The following SGCD variants were observed in gnomAD, a reference collection of about 807,000 sequenced individuals.
SGCD encodes the protein delta-sarcoglycan.
A neutral mutation model predicts 36.6 loss-of-function variants in SGCD; 18 were observed. That is an observed-to-expected ratio of 0.49 (90% confidence interval 0.34 to 0.73). The LOEUF (loss-of-function observed/expected upper bound fraction) is 0.73. Among genes scored for constraint, SGCD ranks in the 30% least tolerant of loss-of-function variants. SGCD has a pLI of 0.01. For missense variants in SGCD, 387 were observed against 346.7 expected (o/e 1.12, Z -0.92); for synonymous variants, 133 against 130.6 (o/e 1.02, Z -0.12).
chr5:155,979,507 T>G (rs902513209), intron 1 of SGCD, among the ~76,000 whole-genome samples: 3 of 151,974 alleles, frequency 2.0e-5, no homozygotes, highest in Non-Finnish European at 4.4e-5. Flanking sequence ...TCAATACATG[T>G]GGAAGGGAAG....
intron 4 of SGCD, among the ~76,000 whole-genome samples, chr5:156,576,735 G>A (rs1461403909): frequency 2.0e-5 from 3 of 152,126 alleles, no homozygotes; most frequent in Non-Finnish European, 4.4e-5. Context: ...TTTGAAAAGT[G>A]TCTGTTCATA....
At chr5:156,277,456 G>C (rs986015735) in intron 3 of SGCD, among the ~76,000 whole-genome samples, 1 of 152,182 alleles carries the variant, frequency 6.6e-6, no homozygotes, top group African/African-American at 2.4e-5. Context: ...AATGCAAAGA[G>C]GGTTGTGGGC....
chr5:156,703,228 T>TA (rs1267619284), intron 7 of SGCD, among the ~76,000 whole-genome samples: 6 of 152,226 alleles, frequency 3.9e-5, no homozygotes, highest in Non-Finnish European at 4.4e-5. Flanking sequence ...GATGAAATCT[T>TA]AGATTCTTCA....
At chr5:155,742,490 T>C in the SGCD span, among the ~76,000 whole-genome samples, 1 of 152,210 alleles carries the variant, frequency 6.6e-6, no homozygotes, top group Admixed American at 6.5e-5. Context: ...TTAAGACTTA[T>C]ACTGGATGAT....
At chr5:156,576,509 C>T (rs1400560250) in intron 4 of SGCD, among the ~76,000 whole-genome samples, 2 of 152,150 alleles carry the variant, frequency 1.3e-5, no homozygotes, top group African/African-American at 4.8e-5. Flanking sequence ...CACTGTCTTC[C>T]ACAATGGTTG....
At chr5:156,081,378 C>T (rs983793591) in intron 1 of SGCD, among the ~76,000 whole-genome samples, 1 of 152,042 alleles carries the variant, frequency 6.6e-6, no homozygotes, top group African/African-American at 2.4e-5. Flanking sequence ...TTGGTGTAGA[C>T]ATATATTCAA....
intron 1 of SGCD, among the ~76,000 whole-genome samples, chr5:155,994,020 C>T (rs895683742): frequency 3.9e-5 from 6 of 152,150 alleles, no homozygotes; most frequent in African/African-American, 1.2e-4. Flanking sequence ...TTGTAGTGAT[C>T]GTCTTTGGAA....
chr5:156,018,804 A>T (rs1370311578), intron 1 of SGCD, among the ~76,000 whole-genome samples: 1 of 152,194 alleles, frequency 6.6e-6, no homozygotes, highest in Non-Finnish European at 1.5e-5. Flanking sequence ...ATACACAGGC[A>T]CTTTTTTTCT....
At chr5:156,405,943 A>G (rs1421608358) in intron 3 of SGCD, among the ~76,000 whole-genome samples, 1 of 148,498 alleles carries the variant, frequency 6.7e-6, no homozygotes, top group African/African-American at 2.5e-5. Flanking sequence ...TAAATAATTG[A>G]TCAACACGCC....
At chr5:156,251,513 T>C (rs1765576128) in intron 3 of SGCD, among the ~76,000 whole-genome samples, 1 of 115,456 alleles carries the variant, frequency 8.7e-6, no homozygotes, top group South Asian at 3.6e-4. Context: ...TTTTATATTA[T>C]TTATACTACT....
intron 3 of SGCD, among the ~76,000 whole-genome samples, chr5:156,190,313 C>A (rs940488224): frequency 6.6e-6 from 1 of 152,148 alleles, no homozygotes; most frequent in East Asian, 1.9e-4. Flanking sequence ...CTAAATAATT[C>A]AAAAACTAGT....
At chr5:155,904,401 C>A (rs1756454701) in intron 1 of SGCD, among the ~76,000 whole-genome samples, 1 of 152,168 alleles carries the variant, frequency 6.6e-6, no homozygotes, top group Non-Finnish European at 1.5e-5. Context: ...ATATATGATC[C>A]AGTGATATTT....
At chr5:156,263,573 T>G (rs1359780634) in intron 3 of SGCD, among the ~76,000 whole-genome samples, 1 of 152,204 alleles carries the variant, frequency 6.6e-6, no homozygotes, top group Non-Finnish European at 1.5e-5. Context: ...TTGTTTCTTT[T>G]GCTGTGCAGA....
chr5:156,123,535 C>T (rs867208423), intron 2 of SGCD, among the ~76,000 whole-genome samples: 1 of 152,140 alleles, frequency 6.6e-6, no homozygotes, highest in Non-Finnish European at 1.5e-5. Context: ...ACGGATTGAA[C>T]TGTGCCACAG....
chr5:156,256,409 C>T (rs776842325), intron 3 of SGCD, among the ~76,000 whole-genome samples: 99 of 152,282 alleles, frequency 6.5e-4, no homozygotes, highest in Non-Finnish European at 1.2e-3. Flanking sequence ...GAATTTTGTA[C>T]ATATAGAACC....
At position 156,679,300 on chromosome 5, in the gene SGCD, T is replaced by C. The variant is rs1753634147; in HGVS notation, c.575+31764T>C. ...CACCACCACTAGACCATATATTACC[T>C]GTGTTTAAATTAGAAAAGGATACCG... On this transcript the variant is annotated intron_variant, in intron 7 of 8. Transcript: ENST00000337851. Among the ~76,000 whole-genome samples the C allele has an allele frequency of 2.0e-5, 3 of 152,340 alleles. No individual in the cohort carries two copies. The South Asian group carries it at 6.2e-4, about 32-fold the overall frequency.
chr5:156,559,479 A>G (rs770944670), intron 4 of SGCD, among the ~76,000 whole-genome samples: 7 of 152,210 alleles, frequency 4.6e-5, no homozygotes, highest in African/African-American at 1.7e-4. Context: ...GTACTTCTGC[A>G]TGAAAAATCT....
chr5:156,732,797 G>A (rs1756147232), intron 7 of SGCD, among the ~76,000 whole-genome samples: 2 of 152,054 alleles, frequency 1.3e-5, no homozygotes, highest in Non-Finnish European at 2.9e-5. Flanking sequence ...CAGGGAGTCA[G>A]TGTCTTCCTG....
intron 1 of SGCD, among the ~76,000 whole-genome samples, chr5:156,046,163 C>T (rs148303081): frequency 1.3e-5 from 2 of 152,072 alleles, no homozygotes; most frequent in Admixed American, 6.6e-5. Context: ...GGCCTCAGTA[C>T]ATCATCTCAC....
Sources: gnomAD v4.1 joint callset for allele counts (sites outside exome capture counted in the v4.1 genomes callset) on GRCh38, gnomAD v4.1.1 for gene constraint, MANE v1.5 for transcripts, NCBI Gene and HGNC (gene_info 2026-07-23, HGNC 2026-07-21) for gene names.